The following EYA2 variants were observed in gnomAD, a reference collection of about 807,000 sequenced individuals.
EYA2 encodes the protein EYA transcriptional coactivator and phosphatase 2.
EYA2 carries 31 observed loss-of-function variants against 69.2 expected under a neutral mutation model. That is an observed-to-expected ratio of 0.45 (90% confidence interval 0.34 to 0.60). The LOEUF is 0.60. Ranked by LOEUF, EYA2 falls within the 20% of genes least tolerant of loss-of-function variation. EYA2 has a pLI of 0.02. For missense variants in EYA2, 622 were observed against 701.2 expected, an observed-to-expected ratio of 0.89 and a Z score of 1.28; for synonymous variants, 257 against 279.4, an observed-to-expected ratio of 0.92 and a Z score of 0.80.
chr20:47,136,978 G>A (rs573613017), intron 9 of EYA2, among the ~76,000 whole-genome samples: 1 of 152,046 alleles, frequency 6.6e-6, no homozygotes, highest in East Asian at 1.9e-4. Context: ...CCGTACCTTC[G>A]CCTCAAGAGA....
rs11473217 is a variant in EYA2 at position 47,112,862 on chromosome 20, CTTTTTTTT to C, written c.888+15714_888+15721del. ...CAAAAGTTAGATTTCATGTTCACTC[CTTTTTTTT>C]TTTTTTTTTTTTTTTTTTTGAGACG... On this transcript the variant is annotated intron_variant, in intron 9 of 15. Coordinates refer to ENST00000327619, the MANE Select transcript of EYA2 (RefSeq NM_005244.5). Among the ~76,000 whole-genome samples, 7 of 55,836 alleles carry C rather than the reference CTTTTTTTT, an allele frequency of 1.3e-4. 1 individual carries two copies. Among genetic ancestry groups the C allele is most frequent in the Admixed American group, 5.8e-4 (2 of 3,452 alleles). 36.6% of individuals were successfully genotyped at this position (55,836 alleles called of 152,430 possible). A position where few individuals can be genotyped will look rare whatever the true frequency, so the allele number is the denominator to read the frequency against.
At chr20:46,976,190 T>G (rs1980448101) in intron 1 of EYA2, among the ~76,000 whole-genome samples, 1 of 152,160 alleles carries the variant, frequency 6.6e-6, no homozygotes, top group Non-Finnish European at 1.5e-5. Context: ...GTGAGATGCC[T>G]GTCTCCACAA....
intron 1 of EYA2, among the ~76,000 whole-genome samples, chr20:46,913,696 G>A (rs1292529664): frequency 6.6e-6 from 1 of 152,132 alleles, no homozygotes; most frequent in Non-Finnish European, 1.5e-5. Flanking sequence ...CTGAGGGATT[G>A]GCTCTGGGAA....
At chr20:47,028,830 G>A (rs963596547) in intron 5 of EYA2, among the ~76,000 whole-genome samples, 1 of 152,204 alleles carries the variant, frequency 6.6e-6, no homozygotes, top group Non-Finnish European at 1.5e-5. Context: ...GAAGATGGCT[G>A]GGTGGCCCTG....
At chr20:47,056,347 T>C (rs2030609307) in intron 5 of EYA2, among the ~76,000 whole-genome samples, 1 of 152,142 alleles carries the variant, frequency 6.6e-6, no homozygotes, top group Non-Finnish European at 1.5e-5. Context: ...GTTCTGCTGT[T>C]TGGTCCTATC....
intron 7 of EYA2, among the ~76,000 whole-genome samples, chr20:47,077,089 T>C (rs2031544288): frequency 6.6e-6 from 1 of 151,796 alleles, no homozygotes; most frequent in Non-Finnish European, 1.5e-5. Context: ...GGACTGAGAG[T>C]GAGGAAGAGG....
chr20:46,983,723 T>A (rs757146888), intron 1 of EYA2, among the ~76,000 whole-genome samples: 5 of 152,226 alleles, frequency 3.3e-5, no homozygotes, highest in Non-Finnish European at 5.9e-5. Context: ...GTGTCCTAAC[T>A]ACTTTAGTAA....
At position 47,037,715 on chromosome 20, in the gene EYA2, G is replaced by C. The variant is rs565552845; in HGVS notation, c.415+21418G>C. ...TGATCTTCTGTAGTCCCATCTCTCTGACTCTTTCTGCTGCCTTTCTCTGCC... is the reference window on the plus strand; with the variant it reads ...TGATCTTCTGTAGTCCCATCTCTCTCACTCTTTCTGCTGCCTTTCTCTGCC... On this transcript the variant is annotated intron_variant, in intron 5 of 15. Coordinates refer to ENST00000327619, the MANE Select transcript of EYA2 (RefSeq NM_005244.5). Among the ~76,000 whole-genome samples the C allele has an allele frequency of 2.1e-4, 32 of 152,258 alleles. No individual in the cohort carries two copies. The South Asian group carries it at 6.2e-3, about 30-fold the overall frequency.
chr20:47,138,273 G>A (rs909991952), intron 9 of EYA2, among the ~76,000 whole-genome samples: 2 of 151,880 alleles, frequency 1.3e-5, no homozygotes, highest in Admixed American at 6.6e-5. Context: ...AGTTTTTATC[G>A]TGTTTTTTGA....
At chr20:47,008,436 C>T (rs1421568750) in intron 4 of EYA2, among the ~76,000 whole-genome samples, 2 of 152,222 alleles carry the variant, frequency 1.3e-5, no homozygotes, top group Non-Finnish European at 2.9e-5. Flanking sequence ...CTATGACAGA[C>T]CTTGGCCAAC....
Position 46,910,186 on chromosome 20 carries a change from G to A in EYA2, c.-11+15199G>A, listed in dbSNP as rs1374054791. On this transcript the variant is annotated intron_variant, in intron 1 of 15. Transcript: ENST00000327619. ...CAGGCTGTACAGGAAGCATGTTACTGGCATCTGCTCAGCTTCTGGGGAGGC... is the reference window on the plus strand; with the variant it reads ...CAGGCTGTACAGGAAGCATGTTACTAGCATCTGCTCAGCTTCTGGGGAGGC... Among the ~76,000 whole-genome samples the A allele has an allele frequency of 3.3e-5, 5 of 152,246 alleles. No individual in the cohort carries two copies. In the South Asian group the frequency reaches 8.3e-4, roughly 25 times the overall value.
rs768179415 is a variant in EYA2, at chr20:47,001,423, T to A, written c.110-5T>A. On this transcript the variant is annotated splice_polypyrimidine_tract_variant and splice_region_variant and intron_variant, in intron 2 of 15. Coordinates refer to ENST00000327619, the MANE Select transcript of EYA2 (RefSeq NM_005244.5). ...ACTCTTCCAATTTTTCTTTTTCTCC[T>A]GCAGGCATCACCAAATCGGCCCCCC... is the stretch of plus-strand genomic sequence containing the variant. The A allele has an allele frequency of 6.2e-7, 1 of 1,614,134 alleles. No individual in the cohort carries two copies. Among genetic ancestry groups the A allele is most frequent in the Non-Finnish European group, 8.5e-7 (1 of 1,179,958 alleles).
chr20:47,082,113 T>C lies in EYA2; in HGVS notation c.662-7126T>C, dbSNP rs376881841. On this transcript the variant is annotated intron_variant, in intron 7 of 15. Transcript: ENST00000327619. ...CCTCAGCCTCGCAAAGTGCTGGGAT[T>C]ACAAGCGTGAGCCACTGTGCCCAGC... 1.9e-4 allele frequency among the ~76,000 whole-genome samples: 29 copies of C among 152,258 alleles called. No individual in the cohort carries two copies. In the South Asian group the frequency reaches 5.6e-3, roughly 29 times the overall value.
At chr20:46,981,389 G>A (rs1980824718) in intron 1 of EYA2, among the ~76,000 whole-genome samples, 2 of 152,220 alleles carry the variant, frequency 1.3e-5, no homozygotes, top group South Asian at 2.1e-4. Flanking sequence ...GCCTGTAGCT[G>A]TAGCTGACAG....
At chr20:47,159,614 G>T (rs548580867) in intron 10 of EYA2, among the ~76,000 whole-genome samples, 3 of 152,158 alleles carry the variant, frequency 2.0e-5, no homozygotes, top group South Asian at 2.1e-4. Context: ...GCATACTAAT[G>T]TAAGAAGTTA....
intron 5 of EYA2, among the ~76,000 whole-genome samples, chr20:47,030,588 A>G (rs1045558763): frequency 6.6e-6 from 1 of 151,988 alleles, no homozygotes; most frequent in African/African-American, 2.4e-5. Flanking sequence ...ACAAAATACC[A>G]TGGTCTTGGT....
At chr20:47,008,161 C>T (rs189617779) in intron 4 of EYA2, among the ~76,000 whole-genome samples, 447 of 152,318 alleles carry the variant, frequency 2.9e-3, no homozygotes, top group Non-Finnish European at 4.9e-3. Context: ...TAGTCACCAT[C>T]GTTGACTTCC....
At chr20:47,083,656 T>G (rs2031799475) in intron 7 of EYA2, among the ~76,000 whole-genome samples, 1 of 149,238 alleles carries the variant, frequency 6.7e-6, no homozygotes, top group Admixed American at 6.7e-5. Flanking sequence ...AAATGCAAAA[T>G]AGATCATAGA....
intron 1 of EYA2, among the ~76,000 whole-genome samples, chr20:46,912,283 T>C (rs1024322458): frequency 1.3e-5 from 2 of 152,230 alleles, no homozygotes; most frequent in Non-Finnish European, 2.9e-5. Context: ...AAGGCATGGA[T>C]ATTCAGGGAG....
Sources: allele counts gnomAD v4.1 joint callset (sites outside exome capture counted in the v4.1 genomes callset), GRCh38; gene constraint gnomAD v4.1.1; transcripts MANE v1.5; gene names NCBI Gene and HGNC (gene_info 2026-07-23, HGNC 2026-07-21).